COL16A1: variants seen among roughly 807,000 people sequenced by gnomAD.
The protein encoded by COL16A1 is collagen type XVI alpha 1 chain, also known as collagen alpha-1(XVI) chain.
Under a neutral mutation model 266.3 loss-of-function variants are expected in COL16A1, and 189 were observed. The observed-to-expected ratio is 0.71, with a 90% CI of 0.63 to 0.80. The LOEUF (loss-of-function observed/expected upper bound fraction) is 0.80, where lower values mean the gene tolerates loss of function less well. Among genes scored for constraint, COL16A1 ranks in the 30% least tolerant of loss-of-function variants. COL16A1 has a pLI of 0.00. For synonymous variants in COL16A1, 740 were observed against 782.3 expected (o/e 0.95, Z 0.90); for missense variants, 1,928 against 2,122.4 (o/e 0.91, Z 1.80).
At chr1:31,660,466 C>T in intron 62 of COL16A1, 119 bp downstream of exon 62, 1 of 1,384,436 alleles carries the variant, frequency 7.2e-7, no homozygotes, top group South Asian at 1.5e-5. Flanking sequence ...CCCCGTGCTC[C>T]CACGGCTGGG....
Position 31,699,911 on chromosome 1 carries a change from T to C in COL16A1, c.168A>G (p.Arg56=). The C allele has an allele frequency of 6.2e-7, 1 of 1,613,352 alleles. No individual in the cohort carries two copies. Among genetic ancestry groups the C allele is most frequent in the African/African-American group, 1.3e-5 (1 of 74,974 alleles). ...TGGCAGACGTCTTCATGAGGCTGAGTCGGTGGATGAGGTTGAAGCCTTTGG... is the reference window on the plus strand; with the variant it reads ...TGGCAGACGTCTTCATGAGGCTGAGCCGGTGGATGAGGTTGAAGCCTTTGG... ...ANVTGFNLIH[R]LSLMKTSAIK... Residue 56 remains arginine, a synonymous_variant, in exon 4 of 71, where the codon CGA becomes CGG. Transcript: ENST00000373672.
At chr1:31,665,461 G>A (rs1055279252) in intron 55 of COL16A1, 122 bp downstream of exon 55, 115 of 1,567,048 alleles carry the variant, frequency 7.3e-5, no homozygotes, top group Admixed American at 1.2e-4. Context: ...CACCCAGGCC[G>A]TTCTCCCCTG....
At chr1:31,653,486 T>C in intron 70 of COL16A1, 113 bp downstream of exon 70, 1 of 1,272,400 alleles carries the variant, frequency 7.9e-7, no homozygotes. Context: ...ATAAATGTGG[T>C]TGACTGGCCT....
Position 31,652,407 on chromosome 1 carries a change from C to T in COL16A1, c.*244G>A. On this transcript the variant is annotated 3_prime_UTR_variant, in exon 71 of 71. Coordinates refer to ENST00000373672, the MANE Select transcript of COL16A1 (RefSeq NM_001856.4). This position sits in a 1 kb window ranked among gnomAD's most constrained non-coding sequence, Gnocchi z 4.8. ...GTATATGCCCCTGTACCCAAAATGC[C>T]CTTTTTTGTTCCTGGGACTAAACGG... 2.8e-6 allele frequency: 1 copy of T among 353,752 alleles called. No individual in the cohort carries two copies. Among genetic ancestry groups the T allele is most frequent in the Non-Finnish European group, 5.0e-6 (1 of 200,952 alleles). The allele number at this position is 353,752 out of a possible 1,614,324, so 21.9% of individuals were successfully genotyped here. A position where few individuals can be genotyped will look rare whatever the true frequency, so the allele number is the denominator to read the frequency against.
chr1:31,686,471 T>C, intron 26 of COL16A1, 192 bp from the exon 27 acceptor site: 2 of 766,328 alleles, frequency 2.6e-6, no homozygotes. Flanking sequence ...GCCCTATTTC[T>C]GCCCCCAGCT....
At chr1:31,655,871 A>T in intron 66 of COL16A1, 3 of 306,714 alleles carry the variant, frequency 9.8e-6, no homozygotes, top group Non-Finnish European at 1.8e-5. Context: ...CCATGTTGTT[A>T]TGGTCCTGAA....
intron 22 of COL16A1, 138 bp downstream of exon 22, chr1:31,690,229 A>G (rs1644197455): frequency 4.5e-6 from 6 of 1,336,614 alleles, no homozygotes; most frequent in Non-Finnish European, 6.1e-6. Context: ...CTGCACATGG[A>G]CATCAGAGGA....
At chr1:31,690,339 G>T (rs758136489) in intron 22 of COL16A1, 28 bp downstream of exon 22, 1 of 1,613,090 alleles carries the variant, frequency 6.2e-7, no homozygotes, top group Admixed American at 1.7e-5. Context: ...TTCCCACCCC[G>T]ATCTGGGCAG....
intron 42 of COL16A1, among the ~76,000 whole-genome samples, chr1:31,676,671 A>T (rs894658398): frequency 2.0e-5 from 3 of 152,238 alleles, no homozygotes; most frequent in Non-Finnish European, 4.4e-5. Flanking sequence ...CGATGTTTAC[A>T]TTAAATCCAT....
In COL16A1 at chr1:31,653,647, C is replaced by T; in HGVS notation, c.4564G>A (p.Asp1522Asn). ...TCTCCTGCAATGCCAATACCAATGT[C>T]CCCTTTTTCACCTTTGGTACCAGGC... ...GLPGTKGEKG[D>N]IGIGIAGENG... is the part of the protein sequence containing the mutation. Residue 1522 changes from aspartate (D) to asparagine (N), a missense_variant, in exon 70 of 71, where the codon GAC becomes AAC. Physicochemically the swap from Asp to Asn is conservative, Grantham distance 23. This residue lies in a region of COL16A1 where 376 missense variants were observed against 485.2 expected (regional missense o/e 0.77). Transcript: ENST00000373672. 2.5e-6 allele frequency: 4 copies of T among 1,613,900 alleles called. No individual in the cohort carries two copies. Among genetic ancestry groups the T allele is most frequent in the Non-Finnish European group, 3.4e-6 (4 of 1,179,894 alleles).
At chr1:31,673,313 C>T (rs1642903033) in intron 44 of COL16A1, 1 of 182,426 alleles carries the variant, frequency 5.5e-6, no homozygotes, top group Non-Finnish European at 1.2e-5. Flanking sequence ...CTCACAGGCT[C>T]CTGGCTCGGA....
chr1:31,698,345 G>A lies in COL16A1; in HGVS notation c.390+138C>T. On this transcript the variant is annotated intron_variant, in intron 5 of 70. Transcript: ENST00000373672. The surrounding 1 kb of genome is among the most constrained non-coding windows in gnomAD (Gnocchi z 4.1). Reference sequence around the variant, plus strand: ...ATCCTGAAAGAATGAGGTAGGTACTGGTGGGCTGGGGACAGGCTTGAGGGT... The same window carrying A: ...ATCCTGAAAGAATGAGGTAGGTACTAGTGGGCTGGGGACAGGCTTGAGGGT... 1.3e-6 allele frequency: 2 copies of A among 1,526,000 alleles called. No homozygotes were observed. The highest frequency in any genetic ancestry group is 8.8e-7 in the Non-Finnish European group (1 of 1,130,164). The allele number at this position is 1,526,000 out of a possible 1,614,324, so 94.5% of individuals were successfully genotyped here.
At chr1:31,695,390 C>T (rs1644451956) in intron 10 of COL16A1, among the ~76,000 whole-genome samples, 169 bp from the exon 11 acceptor site, 1 of 150,672 alleles carries the variant, frequency 6.6e-6, no homozygotes, top group Admixed American at 6.6e-5. Context: ...ATTTCCCACC[C>T]ACCCAGCCCC....
intron 31 of COL16A1, 123 bp downstream of exon 31, chr1:31,684,400 C>T (rs1389584125): frequency 9.3e-6 from 14 of 1,503,312 alleles, no homozygotes; most frequent in African/African-American, 7.0e-5. Context: ...GAGGAGCCTC[C>T]GCTCAGTGAC....
chr1:31,686,381 G>A, intron 26 of COL16A1, 102 bp from the exon 27 acceptor site: 1 of 1,479,420 alleles, frequency 6.8e-7, no homozygotes, highest in South Asian at 1.2e-5. Context: ...CAGATGTCCA[G>A]ACTACCCTCT....
rs1039040111 is a variant in COL16A1 at position 31,665,502 on chromosome 1, A to T, written c.3492+81T>A. 11 of 1,611,128 alleles carry T rather than the reference A, an allele frequency of 6.8e-6. No homozygotes were observed. The South Asian group carries it at 1.1e-4, about 16-fold the overall frequency. Reference sequence around the variant, plus strand: ...CCCCTCTTCTCCCCAGGACCATCCTACCCCAGCCTGGCCTGGTCAGGCCTG... The same window carrying T: ...CCCCTCTTCTCCCCAGGACCATCCTTCCCCAGCCTGGCCTGGTCAGGCCTG... On this transcript the variant is annotated intron_variant, in intron 55 of 70. Transcript: ENST00000373672.
Position 31,698,476 on chromosome 1 carries a change from G to T in COL16A1, c.390+7C>A. ...TAAGAGGCAATCAGGGCACAGGGGA[G>T]GTTCACCTGTGGATACCCATTTGCA... On this transcript the variant is annotated splice_region_variant and intron_variant, in intron 5 of 70. Coordinates refer to ENST00000373672, the MANE Select transcript of COL16A1 (RefSeq NM_001856.4). The surrounding 1 kb of genome is among the most constrained non-coding windows in gnomAD (Gnocchi z 4.1). 1 of 1,614,152 alleles carries T rather than the reference G, an allele frequency of 6.2e-7. No individual in the cohort carries two copies. The highest frequency in any genetic ancestry group is 8.5e-7 in the Non-Finnish European group (1 of 1,180,000).
chr1:31,682,801 G>C, intron 37 of COL16A1, 133 bp downstream of exon 37: 1 of 1,083,080 alleles, frequency 9.2e-7, no homozygotes, highest in Admixed American at 2.4e-5. Context: ...CCTTGTCTGA[G>C]GCTGGGCTGA....
intron 12 of COL16A1, 99 bp from the exon 13 acceptor site, chr1:31,693,253 C>T: frequency 2.6e-6 from 2 of 769,244 alleles, no homozygotes; most frequent in Non-Finnish European, 4.6e-6. Context: ...CATCCCCCCA[C>T]ACACGGGTAC....
Sources: allele counts gnomAD v4.1 joint callset (sites outside exome capture counted in the v4.1 genomes callset), GRCh38; gene constraint gnomAD v4.1.1; regional missense constraint gnomAD v4.1.1; non-coding constraint Gnocchi (gnomAD v3.1); transcripts MANE v1.5; gene names NCBI Gene and HGNC (gene_info 2026-07-23, HGNC 2026-07-21).